The following DDAH1 variants were observed in gnomAD, a reference collection of about 807,000 sequenced individuals.
The protein encoded by DDAH1 is dimethylarginine dimethylaminohydrolase 1.
A neutral mutation model predicts 28.8 loss-of-function variants in DDAH1; 19 were observed. The observed-to-expected ratio is 0.66, with a 90% CI of 0.46 to 0.97. The LOEUF (loss-of-function observed/expected upper bound fraction) is 0.97, where lower values mean the gene tolerates loss of function less well. Among genes scored for constraint, DDAH1 ranks in the 50% least tolerant of loss-of-function variants. The pLI is 0.00. For missense variants in DDAH1, 326 were observed against 375.9 expected (o/e 0.87, Z 1.10); for synonymous variants, 153 against 154.4 (o/e 0.99, Z 0.07).
chr1:85,408,333 T>C (rs563007333), intron 1 of DDAH1, among the ~76,000 whole-genome samples: 1 of 151,910 alleles, frequency 6.6e-6, no homozygotes, highest in Non-Finnish European at 1.5e-5. Flanking sequence ...ATATTCAGGA[T>C]TAACTGAACA....
intron 1 of DDAH1, among the ~76,000 whole-genome samples, chr1:85,530,841 AT>A (rs1658065441): frequency 6.7e-6 from 1 of 149,366 alleles, no homozygotes; most frequent in Non-Finnish European, 1.5e-5. Context: ...GAAACAAAAA[AT>A]TAGCTGGGCA....
At chr1:85,389,058 T>C (rs1223911326) in intron 1 of DDAH1, among the ~76,000 whole-genome samples, 1 of 152,102 alleles carries the variant, frequency 6.6e-6, no homozygotes, top group Non-Finnish European at 1.5e-5. Flanking sequence ...CAGTTGTTTT[T>C]AGGCCAGGTG....
intron 1 of DDAH1, among the ~76,000 whole-genome samples, chr1:85,369,433 C>T (rs1371963616): frequency 4.6e-5 from 7 of 152,156 alleles, no homozygotes; most frequent in African/African-American, 1.2e-4. Context: ...GGCATAGCCA[C>T]GGCAAGAGCC....
At position 85,570,393 on chromosome 1, in the gene DDAH1, CACAT is replaced by C. The variant is rs796232133; in HGVS notation, c.-123+7587_-123+7590del. Among the ~76,000 whole-genome samples, 192 of 151,126 alleles carry C rather than the reference CACAT, an allele frequency of 1.3e-3. 1 individual carries two copies. The South Asian group carries it at 0.023, about 18-fold the overall frequency. ...ACACACACACACACACACACACACACACATCTCAGTGCACTTATCTAACACCTTC... is the reference window on the plus strand; with the variant it reads ...ACACACACACACACACACACACACACCTCAGTGCACTTATCTAACACCTTC... On this transcript the variant is annotated intron_variant, in intron 1 of 6. Transcript: ENST00000426972.
At chr1:85,345,925 AT>A (rs1648814289) in intron 4 of DDAH1, among the ~76,000 whole-genome samples, 1 of 152,206 alleles carries the variant, frequency 6.6e-6, no homozygotes. Flanking sequence ...TTAGCTGAGA[AT>A]TGCTAAACTC....
chr1:85,486,166 T>C (rs1425668288), intron 2 of DDAH1, among the ~76,000 whole-genome samples: 3 of 152,198 alleles, frequency 2.0e-5, no homozygotes, highest in Non-Finnish European at 4.4e-5. Flanking sequence ...ATATGGAACT[T>C]ACTATCACAA....
intron 1 of DDAH1, chr1:85,399,469 G>T (rs963811282): frequency 6.6e-6 from 1 of 152,238 alleles, no homozygotes; most frequent in Admixed American, 6.5e-5. Flanking sequence ...GGGGAAAATT[G>T]TTAAATACAA....
Position 85,351,373 on chromosome 1 carries a change from T to G in DDAH1, c.477+133A>C, listed in dbSNP as rs1051694725. 1.7e-5 allele frequency: 12 copies of G among 714,204 alleles called. No individual in the cohort carries two copies. The African/African-American group carries it at 2.0e-4, about 12-fold the overall frequency. 44.2% of individuals were successfully genotyped at this position (714,204 alleles called of 1,614,324 possible). A position where few individuals can be genotyped will look rare whatever the true frequency, so the allele number is the denominator to read the frequency against. On this transcript the variant is annotated intron_variant, in intron 3 of 5. Coordinates refer to ENST00000284031, the MANE Select transcript of DDAH1 (RefSeq NM_012137.4). ...TATAGCTTCTAAAACTTCTAGTAAA[T>G]GTACAAACATTACGAATTATTGTAC...
intron 1 of DDAH1, among the ~76,000 whole-genome samples, chr1:85,417,108 A>G (rs1652921375): frequency 6.6e-6 from 1 of 152,214 alleles, no homozygotes; most frequent in Non-Finnish European, 1.5e-5. Context: ...CCAACTGTAA[A>G]ATGATCAAAT....
intron 1 of DDAH1, among the ~76,000 whole-genome samples, chr1:85,513,256 T>G (rs1657312388): frequency 6.6e-6 from 1 of 152,190 alleles, no homozygotes; most frequent in East Asian, 1.9e-4. Flanking sequence ...GGGGAAAGGA[T>G]TCCCTATTTA....
intron 1 of DDAH1, among the ~76,000 whole-genome samples, chr1:85,451,602 G>A (rs903802040): frequency 1.3e-5 from 2 of 152,060 alleles, no homozygotes; most frequent in African/African-American, 2.4e-5. Flanking sequence ...GGAAGAGAAC[G>A]CCCCCTCTCA....
At chr1:85,533,930 A>G (rs1276604254) in intron 1 of DDAH1, among the ~76,000 whole-genome samples, 3 of 152,240 alleles carry the variant, frequency 2.0e-5, no homozygotes, top group Non-Finnish European at 4.4e-5. Flanking sequence ...GCGGTGGAGA[A>G]GGTAAATTAA....
At chr1:85,371,331 A>AACAT (rs1466538374) in intron 1 of DDAH1, among the ~76,000 whole-genome samples, 2 of 152,160 alleles carry the variant, frequency 1.3e-5, no homozygotes. Flanking sequence ...GATGCTATAA[A>AACAT]ACATAGCAGT....
intron 4 of DDAH1, among the ~76,000 whole-genome samples, chr1:85,339,969 C>T (rs746241173): frequency 3.9e-5 from 6 of 152,170 alleles, no homozygotes; most frequent in Admixed American, 1.3e-4. Context: ...CAGAAATCAT[C>T]CTTTTTTTTT....
At position 85,450,159 on chromosome 1, in the gene DDAH1, T is replaced by C. The variant is rs568317388; in HGVS notation, c.303+14584A>G. On this transcript the variant is annotated intron_variant, in intron 1 of 5. Transcript: ENST00000284031. ...TTACTGGTATTTTTAATTACACATA[T>C]ATTTGCGATTATTTATTTCATGCTT... is the stretch of plus-strand genomic sequence containing the variant. 2.0e-5 allele frequency among the ~76,000 whole-genome samples: 3 copies of C among 152,310 alleles called. No homozygotes were observed. In the East Asian group the frequency reaches 5.8e-4, roughly 29 times the overall value.
At chr1:85,336,643 C>T (rs1230832567) in intron 4 of DDAH1, among the ~76,000 whole-genome samples, 1 of 150,726 alleles carries the variant, frequency 6.6e-6, no homozygotes, top group African/African-American at 2.4e-5. Context: ...AAAGCAAGAA[C>T]CAAACACAAA....
At chr1:85,554,745 G>A (rs762436001) in intron 1 of DDAH1, among the ~76,000 whole-genome samples, 14 of 152,198 alleles carry the variant, frequency 9.2e-5, no homozygotes, top group Non-Finnish European at 1.8e-4. Context: ...GGTTTGGGGA[G>A]CCTAATGAAG....
At chr1:85,560,147 A>G (rs1460562437) in intron 1 of DDAH1, among the ~76,000 whole-genome samples, 1 of 152,168 alleles carries the variant, frequency 6.6e-6, no homozygotes, top group Non-Finnish European at 1.5e-5. Flanking sequence ...CAAAAATACA[A>G]TGGAACAACA....
intron 2 of DDAH1, among the ~76,000 whole-genome samples, chr1:85,487,263 C>A (rs1286736092): frequency 6.6e-6 from 1 of 152,208 alleles, no homozygotes; most frequent in Non-Finnish European, 1.5e-5. Context: ...TTGTGGCTAT[C>A]ACCTTTCAAT....
Sources: allele counts gnomAD v4.1 joint callset (sites outside exome capture counted in the v4.1 genomes callset), GRCh38; gene constraint gnomAD v4.1.1; transcripts MANE v1.5; gene names NCBI Gene and HGNC (gene_info 2026-07-23, HGNC 2026-07-21).